MSRA: variants seen among roughly 807,000 people sequenced by gnomAD.
The protein encoded by MSRA is mitochondrial peptide methionine sulfoxide reductase.
In MSRA, 54 loss-of-function variants were observed where a neutral mutation model predicts 31.3. That is an observed-to-expected ratio of 1.73 (90% CI 1.39 to 2.17). The LOEUF is 2.17. Ranked by LOEUF, MSRA falls within the 30% of genes most tolerant of loss-of-function variation. The pLI, the probability that MSRA is intolerant of heterozygous loss-of-function variation, is 0.00. For synonymous variants in MSRA, 169 were observed against 116.5 expected (o/e 1.45, Z -2.90); for missense variants, 507 against 300.9 (o/e 1.69, Z -5.07).
chr8:10,408,655 G>A (rs1008798859), intron 5 of MSRA, among the ~76,000 whole-genome samples: 17 of 152,296 alleles, frequency 1.1e-4, no homozygotes, highest in East Asian at 5.8e-4. Context: ...GTGTAGTGGC[G>A]AAGTCTGAGC....
In MSRA at chr8:10,360,028, C is replaced by T. The variant is rs1399374726; in HGVS notation, c.543+40039C>T. Among the ~76,000 whole-genome samples the T allele has an allele frequency of 7.2e-5, 11 of 152,300 alleles. No homozygotes were observed. In the South Asian group the frequency reaches 1.9e-3, roughly 26 times the overall value. On this transcript the variant is annotated intron_variant, in intron 5 of 5. Coordinates refer to ENST00000317173, the MANE Select transcript of MSRA (RefSeq NM_012331.5). ...CTATCTGCTCAATTTTGATTCCACT[C>T]CCAGCAGTGAGGCCCTGGACATGTT...
intron 1 of MSRA, among the ~76,000 whole-genome samples, chr8:10,154,230 C>T (rs544315526): frequency 5.9e-5 from 9 of 152,238 alleles, no homozygotes; most frequent in Admixed American, 2.6e-4. Context: ...GAAAACCTTG[C>T]GGAAGAGTAG....
intron 5 of MSRA, among the ~76,000 whole-genome samples, chr8:10,427,053 A>C (rs1809218889): frequency 6.6e-6 from 1 of 152,206 alleles, no homozygotes; most frequent in Admixed American, 6.5e-5. Context: ...TGACGCAGTG[A>C]ATCATGCTGA....
intron 5 of MSRA, among the ~76,000 whole-genome samples, chr8:10,323,963 A>T (rs1310590975): frequency 6.6e-6 from 1 of 152,172 alleles, no homozygotes; most frequent in African/African-American, 2.4e-5. Flanking sequence ...TATCTCTTTT[A>T]TGGTTTTGCA....
intron 5 of MSRA, among the ~76,000 whole-genome samples, chr8:10,324,612 C>T (rs1486066509): frequency 6.6e-6 from 1 of 152,182 alleles, no homozygotes; most frequent in Non-Finnish European, 1.5e-5. Context: ...GACATCCATG[C>T]CTAGGTGACC....
At chr8:10,321,412 T>C (rs1460479609) in intron 5 of MSRA, among the ~76,000 whole-genome samples, 1 of 152,030 alleles carries the variant, frequency 6.6e-6, no homozygotes, top group Non-Finnish European at 1.5e-5. Context: ...CAAGGTCAGT[T>C]CGACTATGAT....
chr8:10,193,175 G>A (rs560717133), intron 1 of MSRA, among the ~76,000 whole-genome samples: 30 of 152,280 alleles, frequency 2.0e-4, no homozygotes, highest in Admixed American at 7.2e-4. Flanking sequence ...AGTCACACTC[G>A]TCTTCTACAT....
Position 10,428,597 on chromosome 8 carries a change from G to A in MSRA, c.*285G>A. On this transcript the variant is annotated 3_prime_UTR_variant, in exon 6 of 6. Transcript: ENST00000317173. Reference sequence around the variant, plus strand: ...GATGCTGTGTTCACCCTTCTTGGTAGAAGCTAAGGTGTGAGCTGGGAGGTT... The same window carrying A: ...GATGCTGTGTTCACCCTTCTTGGTAAAAGCTAAGGTGTGAGCTGGGAGGTT... 1 of 377,674 alleles carries A rather than the reference G, an allele frequency of 2.6e-6. No individual in the cohort carries two copies. The highest frequency in any genetic ancestry group is 4.8e-6 in the Non-Finnish European group (1 of 208,234). The allele number at this position is 377,674 out of a possible 1,614,324, so 23.4% of individuals were successfully genotyped here.
chr8:10,325,218 C>T (rs930711340), intron 5 of MSRA, among the ~76,000 whole-genome samples: 2 of 152,132 alleles, frequency 1.3e-5, no homozygotes, highest in Non-Finnish European at 2.9e-5. Context: ...TCTGGCACCT[C>T]TGATAGAGGT....
chr8:10,367,206 T>C (rs1180804791), intron 5 of MSRA, among the ~76,000 whole-genome samples: 2 of 152,212 alleles, frequency 1.3e-5, no homozygotes. Flanking sequence ...CTTAAAGACA[T>C]CTTGGTGATC....
At chr8:10,164,608 T>C (rs963314234) in intron 1 of MSRA, among the ~76,000 whole-genome samples, 1 of 152,242 alleles carries the variant, frequency 6.6e-6, no homozygotes, top group Non-Finnish European at 1.5e-5. Flanking sequence ...CAAATCCTAA[T>C]AGACTTTTTA....
rs1184395020 is a variant in MSRA, at chr8:10,267,263, G to A, written c.331+22040G>A. On this transcript the variant is annotated intron_variant, in intron 3 of 5. Coordinates refer to ENST00000317173, the MANE Select transcript of MSRA (RefSeq NM_012331.5). ...GGCTATCCCAAACAATGTGGAGCAC[G>A]GGCTCTGCCGTTCATGACAACAGCC... is the stretch of plus-strand genomic sequence containing the variant. Among the ~76,000 whole-genome samples the A allele has an allele frequency of 5.3e-5, 8 of 152,290 alleles. No individual in the cohort carries two copies. The South Asian group carries it at 6.2e-4, about 12-fold the overall frequency.
At chr8:10,165,004 G>T (rs989635682) in intron 1 of MSRA, among the ~76,000 whole-genome samples, 44 of 152,224 alleles carry the variant, frequency 2.9e-4, no homozygotes, top group African/African-American at 1.0e-3. Context: ...CTCCACCCTG[G>T]GCGACAGAGT....
Position 10,298,344 on chromosome 8 carries a change from A to C in MSRA, c.332-3190A>C, listed in dbSNP as rs1325570266. ...AACAACATGGGTGAACCTTGAGGACATTACGCCGAGTTAAGTAAGACAGTC... is the reference window on the plus strand; with the variant it reads ...AACAACATGGGTGAACCTTGAGGACCTTACGCCGAGTTAAGTAAGACAGTC... On this transcript the variant is annotated intron_variant, in intron 3 of 5. Transcript: ENST00000317173. Among the ~76,000 whole-genome samples the C allele has an allele frequency of 2.6e-5, 4 of 152,178 alleles. No homozygotes were observed. In the South Asian group the frequency reaches 8.3e-4, roughly 32 times the overall value.
chr8:10,294,574 C>A (rs1284471340), intron 3 of MSRA, among the ~76,000 whole-genome samples: 1 of 152,136 alleles, frequency 6.6e-6, no homozygotes, highest in African/African-American at 2.4e-5. Flanking sequence ...CTTGAGCTCT[C>A]CTCTCCATGC....
At chr8:10,398,581 C>T (rs535502211) in intron 5 of MSRA, among the ~76,000 whole-genome samples, 29 of 152,278 alleles carry the variant, frequency 1.9e-4, no homozygotes, top group Admixed American at 1.5e-3. Context: ...AGGTGCCCCA[C>T]GCTCTGTGCT....
At chr8:10,401,114 C>A (rs199572971) in intron 5 of MSRA, among the ~76,000 whole-genome samples, 5 of 138,442 alleles carry the variant, frequency 3.6e-5, no homozygotes, top group African/African-American at 1.3e-4. Flanking sequence ...TAAAAAAAAA[C>A]AACCCACAGA....
intron 1 of MSRA, among the ~76,000 whole-genome samples, chr8:10,080,524 T>G (rs911282507): frequency 6.6e-6 from 1 of 151,868 alleles, no homozygotes. Flanking sequence ...GCTGTCTCTT[T>G]TTAATTTTGT....
intron 1 of MSRA, among the ~76,000 whole-genome samples, chr8:10,178,781 G>A (rs1304641814): frequency 1.3e-5 from 2 of 152,174 alleles, no homozygotes; most frequent in African/African-American, 2.4e-5. Flanking sequence ...GAACTAGGTT[G>A]AGATACTTTG....
Sources: allele counts gnomAD v4.1 joint callset (sites outside exome capture counted in the v4.1 genomes callset), GRCh38; gene constraint gnomAD v4.1.1; transcripts MANE v1.5; gene names NCBI Gene and HGNC (gene_info 2026-07-23, HGNC 2026-07-21).